The following CYGB variants were observed in gnomAD, a reference collection of about 807,000 sequenced individuals.
CYGB encodes the protein cytoglobin.
Under a neutral mutation model 20.7 loss-of-function variants are expected in CYGB, and 13 were observed. The ratio of observed to expected loss-of-function variants is 0.63; its 90% CI spans 0.41 to 1.00. The LOEUF (loss-of-function observed/expected upper bound fraction) is 1.00. Among genes scored for constraint, CYGB ranks in the 50% least tolerant of loss-of-function variants. CYGB has a pLI of 0.00. For missense variants in CYGB, 218 were observed against 257.2 expected, an observed-to-expected ratio of 0.85 and a Z score of 1.04; for synonymous variants, 93 against 107.4, an observed-to-expected ratio of 0.87 and a Z score of 0.83.
upstream of CYGB, chr17:76,542,431 G>T (rs1005244079): frequency 8.8e-7 from 1 of 1,132,012 alleles, no homozygotes; most frequent in African/African-American, 1.5e-5. Flanking sequence ...TGATTCCTTA[G>T]GTGGTCCTGC....
rs2074930680 is a variant in CYGB at position 76,537,421 on chromosome 17, A to G, written c.122T>C (p.Val41Ala). The G allele has an allele frequency of 6.3e-7, 1 of 1,597,604 alleles. No homozygotes were observed. Among genetic ancestry groups the G allele is most frequent in the East Asian group, 2.3e-5 (1 of 42,736 alleles). ...CTACCTCACCAGGATGGCCACCCCC[A>G]CGTCCTCGCAGTTGGCATAGAGCCG... ...WARLYANCED[V>A]GVAILVRFFV... The change falls in exon 1 of 4, where the codon GTG (valine) becomes GCG (alanine). Residue 41 changes from valine to alanine, a missense_variant. Val to Ala is a moderately conservative substitution (Grantham distance 64, BLOSUM62 0). Coordinates refer to ENST00000293230, the MANE Select transcript of CYGB (RefSeq NM_134268.5).
chr17:76,528,118 GTGTATATATATA>G lies in CYGB; in HGVS notation c.*448_*459del, dbSNP rs1394691252. ...GGATACACATTCTAGATATGTATGT[GTGTATATATATA>G]TGTATATATATATTTATATATAGCT... On this transcript the variant is annotated 3_prime_UTR_variant, in exon 4 of 4. Transcript: ENST00000293230. This position sits in a 1 kb window ranked among gnomAD's most constrained non-coding sequence, Gnocchi z 5.8. The G allele has an allele frequency of 5.0e-6, 2 of 402,692 alleles. No homozygotes were observed. Among genetic ancestry groups the G allele is most frequent in the Non-Finnish European group, 8.8e-6 (2 of 227,672 alleles). 24.9% of individuals were successfully genotyped at this position (402,692 alleles called of 1,614,324 possible).
chr17:76,529,341 G>A (rs768657467), intron 3 of CYGB: 46 of 985,298 alleles, frequency 4.7e-5, no homozygotes, highest in Admixed American at 6.2e-5. Context: ...CAGTTTCCAC[G>A]GTAGCCCATC....
upstream of CYGB, chr17:76,540,060 T>C (rs1011242073): frequency 1.8e-4 from 264 of 1,448,362 alleles, no homozygotes; most frequent in Middle Eastern, 5.2e-4. The surrounding 1 kb of genome is among the most constrained non-coding windows in gnomAD (Gnocchi z 5.0). Context: ...CAGTGGCTCC[T>C]GAGAGCTGGC....
Position 76,528,653 on chromosome 17 carries a change from G to A in CYGB, c.540-42C>T, listed in dbSNP as rs200614504. ...AAGGGAAGGACAAACGTTACCAGAG[G>A]CAGGGAAGGACCCTCGGGGGAAAGG... is the stretch of plus-strand genomic sequence containing the variant. On this transcript the variant is annotated intron_variant, in intron 3 of 3. Coordinates refer to ENST00000293230, the MANE Select transcript of CYGB (RefSeq NM_134268.5). The surrounding 1 kb of genome is among the most constrained non-coding windows in gnomAD (Gnocchi z 5.8). 6 of 1,260,700 alleles carry A rather than the reference G, an allele frequency of 4.8e-6. No individual in the cohort carries two copies. The East Asian group carries it at 9.2e-5, about 19-fold the overall frequency. The allele number at this position is 1,260,700 out of a possible 1,614,324, so 78.1% of individuals were successfully genotyped here.
rs758894641 is a variant in CYGB at position 76,537,513 on chromosome 17, G to A, written c.30C>T (p.Ile10=). 23 of 1,574,442 alleles carry A rather than the reference G, an allele frequency of 1.5e-5. No individual in the cohort carries two copies. In the South Asian group the frequency reaches 1.6e-4, roughly 11 times the overall value. The change falls in exon 1 of 4, where the codon ATC becomes ATT. Residue 10 remains isoleucine (I), a synonymous_variant. Coordinates refer to ENST00000293230, the MANE Select transcript of CYGB (RefSeq NM_134268.5). MEKVPGEME[I]ERRERSEELS... is the part of the protein sequence containing the mutation. ...GCTCCTCGCTCCGCTCCCTGCGCTC[G>A]ATCTCCATCTCGCCTGGCACTTTCT...
chr17:76,540,483 T>A (rs2143144543), upstream of CYGB: 1 of 1,612,878 alleles, frequency 6.2e-7, no homozygotes, highest in South Asian at 1.1e-5. This position sits in a 1 kb window ranked among gnomAD's most constrained non-coding sequence, Gnocchi z 5.0. Context: ...TAGCTCTTCC[T>A]CCCTACTCTT....
intron 1 of CYGB, among the ~76,000 whole-genome samples, chr17:76,532,548 T>C (rs1376115942): frequency 1.3e-5 from 2 of 150,780 alleles, no homozygotes; most frequent in Non-Finnish European, 3.0e-5. Flanking sequence ...TTTTTTTTTT[T>C]TGAGATGGAG....
At chr17:76,542,434 G>T, upstream of CYGB, 2 of 1,155,772 alleles carry the variant, frequency 1.7e-6, no homozygotes, top group Non-Finnish European at 1.3e-6. Context: ...TTCCTTAGGT[G>T]GTCCTGCCCC....
chr17:76,538,515 C>T (rs1413738268), upstream of CYGB: 1 of 466,556 alleles, frequency 2.1e-6, no homozygotes, highest in South Asian at 1.6e-5. Context: ...CAGGCAAGAA[C>T]CAGCCGCTGC....
chr17:76,537,658 G>A lies in CYGB; in HGVS notation c.-116C>T, dbSNP rs981477602. 8.5e-5 allele frequency: 78 copies of A among 921,696 alleles called. No individual in the cohort carries two copies. The highest frequency in any genetic ancestry group is 1.2e-4 in the East Asian group (1 of 8,436). 57.1% of individuals were successfully genotyped at this position (921,696 alleles called of 1,614,324 possible). A position where few individuals can be genotyped will look rare whatever the true frequency, so the allele number is the denominator to read the frequency against. ...CTGCGTGCGCGGCGGGCGGGCGAGG[G>A]GTAGAGCGCGGAGGGAGGGAGCGTG... On this transcript the variant is annotated 5_prime_UTR_variant, in exon 1 of 4. Coordinates refer to ENST00000293230, the MANE Select transcript of CYGB (RefSeq NM_134268.5).
upstream of CYGB, chr17:76,538,360 C>A: frequency 2.9e-6 from 1 of 347,110 alleles, no homozygotes; most frequent in African/African-American, 2.2e-5. Context: ...GCCCACCGCC[C>A]CGGCTGTCGG....
chr17:76,545,658 T>C (rs1156254074), intron 1 of CYGB: 2 of 306,374 alleles, frequency 6.5e-6, no homozygotes, highest in Non-Finnish European at 1.3e-5. Flanking sequence ...AACACCTCTG[T>C]GCCTCAGTTT....
chr17:76,551,060 C>T (rs1014158754), exon 1 of CYGB: 2 of 152,246 alleles, frequency 1.3e-5, no homozygotes, highest in African/African-American at 4.8e-5. Context: ...GGGTTGCAGA[C>T]AATGTGCTAA....
At position 76,527,896 on chromosome 17, in the gene CYGB, A is replaced by G; in HGVS notation, c.*682T>C. On this transcript the variant is annotated 3_prime_UTR_variant, in exon 4 of 4. Coordinates refer to ENST00000293230, the MANE Select transcript of CYGB (RefSeq NM_134268.5). ...TCCTTTCTGCCTGGAAGTGGAATTC[A>G]GGAATGTGGGGAGCTGGTCTGAGAA... 1 of 435,968 alleles carries G rather than the reference A, an allele frequency of 2.3e-6. No homozygotes were observed. Among genetic ancestry groups the G allele is most frequent in the East Asian group, 7.1e-5 (1 of 14,090 alleles). The allele number at this position is 435,968 out of a possible 1,614,324, so 27.0% of individuals were successfully genotyped here.
At chr17:76,539,531 C>T (rs1023080179), upstream of CYGB, among the ~76,000 whole-genome samples, 1 of 152,222 alleles carries the variant, frequency 6.6e-6, no homozygotes, top group Non-Finnish European at 1.5e-5. Flanking sequence ...TCTCCCGTCT[C>T]TCTGGCTTCA....
In CYGB at chr17:76,537,384, G is replaced by T. The variant is rs1329237304; in HGVS notation, c.143+16C>A. On this transcript the variant is annotated intron_variant, in intron 1 of 3. Coordinates refer to ENST00000293230, the MANE Select transcript of CYGB (RefSeq NM_134268.5). ...CCCTCCCTGCCCAGGGCCCGGCCGG[G>T]CCGGGCGACACCTACCTCACCAGGA... 5.1e-6 allele frequency: 8 copies of T among 1,580,704 alleles called. No individual in the cohort carries two copies. Among genetic ancestry groups the T allele is most frequent in the Non-Finnish European group, 6.0e-6 (7 of 1,165,194 alleles).
upstream of CYGB, among the ~76,000 whole-genome samples, chr17:76,541,973 T>C (rs563231045): frequency 6.6e-6 from 1 of 152,308 alleles, no homozygotes; most frequent in East Asian, 1.9e-4. Flanking sequence ...ACCTGTGCTT[T>C]AGTTTTCTCC....
At chr17:76,542,426 C>A, upstream of CYGB, 2 of 1,077,014 alleles carry the variant, frequency 1.9e-6, no homozygotes, top group Non-Finnish European at 2.9e-6. Context: ...CCAACTGATT[C>A]CTTAGGTGGT....
Sources: allele counts gnomAD v4.1 joint callset (sites outside exome capture counted in the v4.1 genomes callset), GRCh38; gene constraint gnomAD v4.1.1; non-coding constraint Gnocchi (gnomAD v3.1); transcripts MANE v1.5; gene names NCBI Gene and HGNC (gene_info 2026-07-23, HGNC 2026-07-21).